WDR33: variants seen among roughly 807,000 people sequenced by gnomAD.
WDR33 encodes the protein WD repeat domain 33.
WDR33 carries 47 observed loss-of-function variants against 164.9 expected under a neutral mutation model. The ratio of observed to expected loss-of-function variants is 0.29; its 90% CI spans 0.23 to 0.36. The LOEUF (loss-of-function observed/expected upper bound fraction) is 0.36. Ranked by LOEUF, WDR33 falls within the 10% of genes least tolerant of loss-of-function variation. The pLI, the probability that WDR33 is intolerant of heterozygous loss-of-function variation, is 1.00. For synonymous variants in WDR33, 505 were observed against 589.0 expected (o/e 0.86, Z 2.06); for missense variants, 1,137 against 1,754.1 (o/e 0.65, Z 6.28).
chr2:127,783,452 G>A (rs549201613), intron 1 of WDR33, among the ~76,000 whole-genome samples: 6 of 152,182 alleles, frequency 3.9e-5, no homozygotes, highest in Non-Finnish European at 8.8e-5. Flanking sequence ...CCTTTCATCA[G>A]CACACAAAGC....
chr2:127,750,668 AAAAAAAAAAAT>A (rs1687302913), intron 7 of WDR33, among the ~76,000 whole-genome samples: 3 of 75,362 alleles, frequency 4.0e-5, no homozygotes, highest in Non-Finnish European at 7.0e-5. Context: ...AAAAAAAAAA[AAAAAAAAAAAT>A]ATATATATAT....
Position 127,718,264 on chromosome 2 carries a change from A to G in WDR33, c.2760+1001T>C, listed in dbSNP as rs1169363856. 6.6e-6 allele frequency among the ~76,000 whole-genome samples: 1 copy of G among 151,764 alleles called. No individual in the cohort carries two copies. The highest frequency in any genetic ancestry group is 1.5e-5 in the Non-Finnish European group (1 of 67,928). On this transcript the variant is annotated intron_variant, in intron 16 of 21. Coordinates refer to ENST00000322313, the MANE Select transcript of WDR33 (RefSeq NM_018383.5). This position sits in a 1 kb window ranked among gnomAD's most constrained non-coding sequence, Gnocchi z 4.4. ...GGTGGTATTTGAAAAACCAAAACAG[A>G]CTGTGCTTTCTACATCTGTAGCATC...
chr2:127,781,841 A>C (rs1005585613), intron 1 of WDR33, among the ~76,000 whole-genome samples: 1 of 152,054 alleles, frequency 6.6e-6, no homozygotes, highest in South Asian at 2.1e-4. Flanking sequence ...TCTACTAAAA[A>C]TACAAAATTA....
chr2:127,720,491 T>TCTC lies in WDR33; in HGVS notation c.1672-139_1672-138insGAG. The stretch of plus-strand genomic sequence containing the variant: ...AAACTCTTCACGCTCCAGTGGTAAT[T>TCTC]AGAGTCCATGCAACACTCAAGCACT... On this transcript the variant is annotated intron_variant, in intron 15 of 21. Coordinates refer to ENST00000322313, the MANE Select transcript of WDR33 (RefSeq NM_018383.5). The surrounding 1 kb of genome is among the most constrained non-coding windows in gnomAD (Gnocchi z 5.9). 9.4e-7 allele frequency: 1 copy of TCTC among 1,063,846 alleles called. No homozygotes were observed. Among genetic ancestry groups the TCTC allele is most frequent in the Non-Finnish European group, 1.3e-6 (1 of 794,870 alleles). The allele number at this position is 1,063,846 out of a possible 1,614,324, so 65.9% of individuals were successfully genotyped here.
chr2:127,743,544 T>C (rs1573907072), intron 7 of WDR33, among the ~76,000 whole-genome samples: 1 of 152,102 alleles, frequency 6.6e-6, no homozygotes, highest in Non-Finnish European at 1.5e-5. Context: ...AATTTTAAAA[T>C]ATGAAGAAAA....
At chr2:127,755,129 G>A (rs774247556) in intron 7 of WDR33, among the ~76,000 whole-genome samples, 6 of 152,196 alleles carry the variant, frequency 3.9e-5, no homozygotes, top group Non-Finnish European at 7.3e-5. Context: ...AGGTTGGTAA[G>A]CAAAGTACAG....
Position 127,722,009 on chromosome 2 carries a change from T to A in WDR33, c.1519-21A>T, listed in dbSNP as rs1286832656. On this transcript the variant is annotated intron_variant, in intron 14 of 21. Coordinates refer to ENST00000322313, the MANE Select transcript of WDR33 (RefSeq NM_018383.5). The surrounding 1 kb of genome is among the most constrained non-coding windows in gnomAD (Gnocchi z 5.1). ...CAAGCCTTGGGAAAGAAGAGAATATTAAAATGTACGCTAAGTATGAAAATT... is the reference window on the plus strand; with the variant it reads ...CAAGCCTTGGGAAAGAAGAGAATATAAAAATGTACGCTAAGTATGAAAATT... 6.2e-7 allele frequency: 1 copy of A among 1,606,600 alleles called. No individual in the cohort carries two copies. The highest frequency in any genetic ancestry group is 2.2e-5 in the East Asian group (1 of 44,812).
chr2:127,730,908 T>A (rs538781615), intron 7 of WDR33, among the ~76,000 whole-genome samples: 14 of 151,770 alleles, frequency 9.2e-5, no homozygotes, highest in Admixed American at 8.5e-4. Flanking sequence ...TTTTTTTGTT[T>A]GTTTGTTTGT....
rs1219064583 is a variant in WDR33, at chr2:127,722,604, G to A, written c.1505C>T (p.Ala502Val). Reference protein sequence around the residue: ...KKVPYAKPIPAQFQQAWMQNK... With the variant: ...KKVPYAKPIPVQFQQAWMQNK... ...ACTTTTACTTACCTGCTGGAACTGA[G>A]CAGGAATGGGTTTTGCATAAGGAAC... The change falls in exon 14 of 22, where the codon GCT becomes GTT. Residue 502 changes from alanine to valine, a missense_variant. Around this residue, in one of 9 missense-constraint regions of WDR33, gnomAD observed 75 missense variants for 124.7 expected, o/e 0.60. Coordinates refer to ENST00000322313, the MANE Select transcript of WDR33 (RefSeq NM_018383.5). This position sits in a 1 kb window ranked among gnomAD's most constrained non-coding sequence, Gnocchi z 5.1. 1 of 1,613,788 alleles carries A rather than the reference G, an allele frequency of 6.2e-7. No individual in the cohort carries two copies. The highest frequency in any genetic ancestry group is 8.5e-7 in the Non-Finnish European group (1 of 1,179,954).
chr2:127,757,552 G>A (rs920045121), intron 7 of WDR33, among the ~76,000 whole-genome samples: 1 of 152,118 alleles, frequency 6.6e-6, no homozygotes, highest in African/African-American at 2.4e-5. Flanking sequence ...ATGGGTCCAG[G>A]TGGTTGTTTG....
In WDR33 at chr2:127,704,251, G is replaced by A. The variant is rs1343712812; in HGVS notation, c.*2072C>T. On this transcript the variant is annotated 3_prime_UTR_variant, in exon 22 of 22. Transcript: ENST00000322313. ...TATATTTAATAAGTATAATGTAGAG[G>A]TTTATTGTTTAAATGAATTCACTCT... 1.8e-5 allele frequency: 3 copies of A among 166,632 alleles called. No individual in the cohort carries two copies. The highest frequency in any genetic ancestry group is 6.6e-5 in the Admixed American group (1 of 15,238). 10.3% of individuals were successfully genotyped at this position (166,632 alleles called of 1,614,324 possible).
At chr2:127,737,249 T>C (rs1686871322) in intron 7 of WDR33, 1 of 985,274 alleles carries the variant, frequency 1.0e-6, no homozygotes, top group Admixed American at 6.2e-5. Context: ...AACACCAATA[T>C]CATAGAGAAC....
chr2:127,778,475 CA>C (rs1195665080), intron 1 of WDR33, among the ~76,000 whole-genome samples: 1 of 149,536 alleles, frequency 6.7e-6, no homozygotes, highest in East Asian at 2.0e-4. Context: ...CAAACAAAAA[CA>C]AAAAAACTGA....
chr2:127,707,608 AGTACAATGTGTTTATGC>A (rs1324010792), intron 21 of WDR33, among the ~76,000 whole-genome samples: 6 of 152,220 alleles, frequency 3.9e-5, no homozygotes, highest in African/African-American at 1.2e-4. Context: ...ACTGGCTAGT[AGTACAATGTGTTTATGC>A]AGGGTGATCT....
intron 1 of WDR33, among the ~76,000 whole-genome samples, chr2:127,806,940 A>G (rs1689459894): frequency 1.3e-5 from 2 of 152,260 alleles, no homozygotes; most frequent in Admixed American, 1.3e-4. Context: ...ATGTTGGTTA[A>G]CAGTCGAATC....
At position 127,702,348 on chromosome 2, in the gene WDR33, C is replaced by A; in HGVS notation, c.*3975G>T. ...CTGCTGCCAGCGGAGGCGACAGCAG[C>A]GTTGGGAGCTCCTCGATGTCAGCTT... is the stretch of plus-strand genomic sequence containing the variant. On this transcript the variant is annotated 3_prime_UTR_variant, in exon 22 of 22. Coordinates refer to ENST00000322313, the MANE Select transcript of WDR33 (RefSeq NM_018383.5). The A allele has an allele frequency of 1.8e-6, 1 of 543,618 alleles. No homozygotes were observed. The highest frequency in any genetic ancestry group is 2.7e-6 in the Non-Finnish European group (1 of 369,448). The allele number at this position is 543,618 out of a possible 1,614,324, so 33.7% of individuals were successfully genotyped here.
At chr2:127,793,206 G>A (rs1387885631) in intron 1 of WDR33, among the ~76,000 whole-genome samples, 2 of 152,068 alleles carry the variant, frequency 1.3e-5, no homozygotes, top group Non-Finnish European at 2.9e-5. Flanking sequence ...CGAGGCAGGT[G>A]GATCATCTGA....
intron 7 of WDR33, chr2:127,737,347 A>G (rs1452309250): frequency 1.1e-5 from 11 of 985,236 alleles, no homozygotes; most frequent in Non-Finnish European, 1.3e-5. Context: ...GAGTACTCTG[A>G]GGTGTGTGTG....
At chr2:127,758,799 C>T (rs1687594392) in intron 7 of WDR33, among the ~76,000 whole-genome samples, 1 of 152,156 alleles carries the variant, frequency 6.6e-6, no homozygotes, top group Non-Finnish European at 1.5e-5. Flanking sequence ...ACAGCTCTCC[C>T]CCCTTATTAT....
Sources: gnomAD v4.1 joint callset for allele counts (sites outside exome capture counted in the v4.1 genomes callset) on GRCh38, gnomAD v4.1.1 for gene constraint, gnomAD v4.1.1 regional missense constraint, Gnocchi (gnomAD v3.1) non-coding constraint, MANE v1.5 for transcripts, NCBI Gene and HGNC (gene_info 2026-07-23, HGNC 2026-07-21) for gene names.